Variants in RND2 observed in about 807,000 individuals in gnomAD.
The protein encoded by RND2 is Rho family GTPase 2.
In RND2, 16 loss-of-function variants were observed where a neutral mutation model predicts 25.9. The observed-to-expected ratio is 0.62, with a 90% CI of 0.42 to 0.94. The LOEUF (loss-of-function observed/expected upper bound fraction) is 0.94, where lower values mean the gene tolerates loss of function less well. Ranked by LOEUF, RND2 falls within the 40% of genes least tolerant of loss-of-function variation. RND2 has a pLI of 0.00. For missense variants in RND2, 276 were observed against 305.5 expected, an observed-to-expected ratio of 0.90 and a Z score of 0.72; for synonymous variants, 97 against 118.1, an observed-to-expected ratio of 0.82 and a Z score of 1.16.
In RND2 at chr17:43,029,633, C is replaced by A. The variant is rs1597789810; in HGVS notation, c.*953C>A. ...GCATCAGGCCGGGCGCGCTGGCTCA[C>A]GCCTGTAATCCCAGCACTTTGGGAG... is the stretch of plus-strand genomic sequence containing the variant. On this transcript the variant is annotated 3_prime_UTR_variant, in exon 5 of 5. Transcript: ENST00000587250. 1 of 152,496 alleles carries A rather than the reference C, an allele frequency of 6.6e-6. No individual in the cohort carries two copies. The highest frequency in any genetic ancestry group is 1.9e-4 in the East Asian group (1 of 5,200). 9.4% of individuals were successfully genotyped at this position (152,496 alleles called of 1,614,324 possible).
Position 43,025,344 on chromosome 17 carries a change from G to C in RND2, c.-4G>C. 1 of 1,540,330 alleles carries C rather than the reference G, an allele frequency of 6.5e-7. No homozygotes were observed. Among genetic ancestry groups the C allele is most frequent in the East Asian group, 2.5e-5 (1 of 40,064 alleles). On this transcript the variant is annotated 5_prime_UTR_variant, in exon 1 of 5. Coordinates refer to ENST00000587250, the MANE Select transcript of RND2 (RefSeq NM_005440.5). ...GCGTGGGGGACCGGCGCGTAGCCGG[G>C]ACCATGGAGGGGCAGAGCGGCCGCT... is the stretch of plus-strand genomic sequence containing the variant.
rs1037291746 is a variant in RND2 at position 43,031,739 on chromosome 17, A to G, written c.*3059A>G. Reference sequence around the variant, plus strand: ...CCCCCCAAAGTTTAATACATTTTCAATACCACCAGGAATGGATTTTTGGTC... The same window carrying G: ...CCCCCCAAAGTTTAATACATTTTCAGTACCACCAGGAATGGATTTTTGGTC... On this transcript the variant is annotated 3_prime_UTR_variant, in exon 5 of 5. Transcript: ENST00000587250. 2.6e-5 allele frequency: 4 copies of G among 152,200 alleles called. No individual in the cohort carries two copies. Among genetic ancestry groups the G allele is most frequent in the African/African-American group, 4.8e-5 (2 of 41,440 alleles). The allele number at this position is 152,200 out of a possible 1,614,324, so 9.4% of individuals were successfully genotyped here.
At position 43,026,063 on chromosome 17, in the gene RND2, G is replaced by C. The variant is rs2050620966; in HGVS notation, c.190+16G>C. 2 of 1,592,172 alleles carry C rather than the reference G, an allele frequency of 1.3e-6. No homozygotes were observed. Among genetic ancestry groups the C allele is most frequent in the African/African-American group, 2.7e-5 (2 of 74,538 alleles). On this transcript the variant is annotated intron_variant, in intron 2 of 4. Coordinates refer to ENST00000587250, the MANE Select transcript of RND2 (RefSeq NM_005440.5). ...GACACTTCAGGTAGCCAAGTCCCTG[G>C]GGGTCACCCTGACTTCCAAGGCGGC...
Position 43,031,631 on chromosome 17 carries a change from T to TG in RND2, c.*2952dup, listed in dbSNP as rs1293372381. ...CCTCTTTCCTCCAACCTCCATATCC[T>TG]GCCATGTGAGCTCAGGGAATGCAAA... is the stretch of plus-strand genomic sequence containing the variant. On this transcript the variant is annotated 3_prime_UTR_variant, in exon 5 of 5. Transcript: ENST00000587250. The TG allele has an allele frequency of 1.3e-5, 2 of 152,246 alleles. No individual in the cohort carries two copies. Among genetic ancestry groups the TG allele is most frequent in the Non-Finnish European group, 2.9e-5 (2 of 68,064 alleles). 9.4% of individuals were successfully genotyped at this position (152,246 alleles called of 1,614,324 possible). A position where few individuals can be genotyped will look rare whatever the true frequency, so the allele number is the denominator to read the frequency against.
Position 43,028,636 on chromosome 17 carries a change from G to T in RND2, c.640G>T (p.Gly214Cys). The change falls in exon 5 of 5, where the codon GGC (glycine) becomes TGC (cysteine). Residue 214 changes from glycine to cysteine, a missense_variant. Physicochemically the swap from Gly to Cys is radical, Grantham distance 159. Transcript: ENST00000587250. ...AGGACGGCCAGACCGGGGGAATGAG[G>T]GCGAGATACACAAGGATCGAGCCAA... ...LSGRPDRGNE[G>C]EIHKDRAKSC... The T allele has an allele frequency of 6.2e-7, 1 of 1,606,552 alleles. No homozygotes were observed.
rs756273422 is a variant in RND2, at chr17:43,028,164, A to G, written c.404A>G (p.Lys135Arg). 5 of 1,614,194 alleles carry G rather than the reference A, an allele frequency of 3.1e-6. No homozygotes were observed. Among genetic ancestry groups the G allele is most frequent in the Non-Finnish European group, 3.4e-6 (4 of 1,180,030 alleles). ...TDLATLRELSKQRLIPVTHEQ... is the reference protein window; with the variant it reads ...TDLATLRELSRQRLIPVTHEQ... ...CTGGCCACACTGAGGGAGCTGTCCA[A>G]GCAGAGGCTTATCCCTGTTACACAT... Residue 135 changes from lysine (K) to arginine (R), a missense_variant, in exon 4 of 5, where the codon AAG becomes AGG. Coordinates refer to ENST00000587250, the MANE Select transcript of RND2 (RefSeq NM_005440.5).
Position 43,028,739 on chromosome 17 carries a change from C to A in RND2, c.*59C>A. On this transcript the variant is annotated 3_prime_UTR_variant, in exon 5 of 5. Transcript: ENST00000587250. ...GGTGAGGGACACAATTGTTCCCCTGCCTGCGCCCAGGCTTCCTGACCTCCT... is the reference window on the plus strand; with the variant it reads ...GGTGAGGGACACAATTGTTCCCCTGACTGCGCCCAGGCTTCCTGACCTCCT... 1 of 1,498,448 alleles carries A rather than the reference C, an allele frequency of 6.7e-7. No individual in the cohort carries two copies. The highest frequency in any genetic ancestry group is 1.3e-5 in the South Asian group (1 of 78,838). The allele number at this position is 1,498,448 out of a possible 1,614,324, so 92.8% of individuals were successfully genotyped here. A position where few individuals can be genotyped will look rare whatever the true frequency, so the allele number is the denominator to read the frequency against.
rs2151975308 is a variant in RND2 at position 43,029,818 on chromosome 17, CG to C, written c.*1141del. 1 of 147,890 alleles carries C rather than the reference CG, an allele frequency of 6.8e-6. No individual in the cohort carries two copies. Among genetic ancestry groups the C allele is most frequent in the South Asian group, 2.1e-4 (1 of 4,680 alleles). 9.2% of individuals were successfully genotyped at this position (147,890 alleles called of 1,614,324 possible). On this transcript the variant is annotated 3_prime_UTR_variant, in exon 5 of 5. Coordinates refer to ENST00000587250, the MANE Select transcript of RND2 (RefSeq NM_005440.5). Reference sequence around the variant, plus strand: ...CTGAGGCAGGAGAATGGTGTGAACCCGGGTGAACCTGGGAGGCGGAGCTTGC... The same window carrying C: ...CTGAGGCAGGAGAATGGTGTGAACCCGGTGAACCTGGGAGGCGGAGCTTGC...
chr17:43,025,985 A>C lies in RND2; in HGVS notation c.128A>C (p.Asn43Thr). 1 of 1,611,232 alleles carries C rather than the reference A, an allele frequency of 6.2e-7. No homozygotes were observed. The highest frequency in any genetic ancestry group is 8.5e-7 in the Non-Finnish European group (1 of 1,178,502). Reference sequence around the variant, plus strand: ...AGTTATGTCCCCACCGTGTTTGAGAACTACACTGCGAGCTTTGAGATCGAC... The same window carrying C: ...AGTTATGTCCCCACCGTGTTTGAGACCTACACTGCGAGCTTTGAGATCGAC... ...PGSYVPTVFE[N>T]YTASFEIDKR... The change falls in exon 2 of 5, where the codon AAC becomes ACC. Residue 43 changes from asparagine (N) to threonine (T), a missense_variant. By Grantham distance (65) the Asn-to-Thr change is moderately conservative (BLOSUM62 0). Transcript: ENST00000587250.
intron 2 of RND2, 127 bp from the exon 3 acceptor site, chr17:43,027,056 A>T: frequency 1.8e-6 from 1 of 553,994 alleles, no homozygotes; most frequent in Non-Finnish European, 3.2e-6. Flanking sequence ...GGTATTAATG[A>T]TGGGTATTAA....
rs2050649023 is a variant in RND2, at chr17:43,028,981, A to G, written c.*301A>G. On this transcript the variant is annotated 3_prime_UTR_variant, in exon 5 of 5. Coordinates refer to ENST00000587250, the MANE Select transcript of RND2 (RefSeq NM_005440.5). ...AATGGTGACCTTGGTGGAGTCTCCT[A>G]TGTGAAGAGTACCCTCCCTCTCCAC... is the stretch of plus-strand genomic sequence containing the variant. The G allele has an allele frequency of 2.4e-6, 1 of 409,652 alleles. No individual in the cohort carries two copies. Among genetic ancestry groups the G allele is most frequent in the Non-Finnish European group, 4.6e-6 (1 of 218,956 alleles). 25.4% of individuals were successfully genotyped at this position (409,652 alleles called of 1,614,324 possible).
In RND2 at chr17:43,030,793, G is replaced by A. The variant is rs1223382984; in HGVS notation, c.*2113G>A. The A allele has an allele frequency of 1.3e-5, 2 of 152,256 alleles. No individual in the cohort carries two copies. Among genetic ancestry groups the A allele is most frequent in the Non-Finnish European group, 2.9e-5 (2 of 68,076 alleles). The allele number at this position is 152,256 out of a possible 1,614,324, so 9.4% of individuals were successfully genotyped here. A position where few individuals can be genotyped will look rare whatever the true frequency, so the allele number is the denominator to read the frequency against. Reference sequence around the variant, plus strand: ...CTGAGGCTACTGCAGGGTCCACAGAGGAATCAGAATTTCATTCTGAGGATG... The same window carrying A: ...CTGAGGCTACTGCAGGGTCCACAGAAGAATCAGAATTTCATTCTGAGGATG... On this transcript the variant is annotated 3_prime_UTR_variant, in exon 5 of 5. Transcript: ENST00000587250.
Position 43,025,251 on chromosome 17 carries a change from T to A in RND2, c.-97T>A. 1 of 1,003,350 alleles carries A rather than the reference T, an allele frequency of 1.0e-6. No homozygotes were observed. The highest frequency in any genetic ancestry group is 1.3e-6 in the Non-Finnish European group (1 of 776,484). The allele number at this position is 1,003,350 out of a possible 1,614,324, so 62.2% of individuals were successfully genotyped here. On this transcript the variant is annotated 5_prime_UTR_variant, in exon 1 of 5. Transcript: ENST00000587250. ...TCGGCGCGGGCCCGCGAGATGCCGGTGTTGGCGGCCCGAGCGGCTGCAGTT... is the reference window on the plus strand; with the variant it reads ...TCGGCGCGGGCCCGCGAGATGCCGGAGTTGGCGGCCCGAGCGGCTGCAGTT...
chr17:43,028,546 C>T lies in RND2; in HGVS notation c.550C>T (p.Arg184Cys), dbSNP rs757250045. The T allele has an allele frequency of 5.0e-6, 8 of 1,614,198 alleles. No individual in the cohort carries two copies. The highest frequency in any genetic ancestry group is 4.4e-5 in the South Asian group (4 of 91,090). Reference sequence around the variant, plus strand: ...TGTGGCTACAGTGGCCTCCCTTGGCCGTGGCCATAGGCAGCTGCGCCGAAC... The same window carrying T: ...TGTGGCTACAGTGGCCTCCCTTGGCTGTGGCCATAGGCAGCTGCGCCGAAC... ...FHVATVASLG[R>C]GHRQLRRTDS... is the part of the protein sequence containing the mutation. Residue 184 changes from arginine to cysteine, a missense_variant, in exon 5 of 5, where the codon CGT becomes TGT. Coordinates refer to ENST00000587250, the MANE Select transcript of RND2 (RefSeq NM_005440.5).
chr17:43,025,327 GA>G lies in RND2; in HGVS notation c.-20del. 6.6e-7 allele frequency: 1 copy of G among 1,524,200 alleles called. No individual in the cohort carries two copies. Among genetic ancestry groups the G allele is most frequent in the African/African-American group, 1.4e-5 (1 of 71,276 alleles). The allele number at this position is 1,524,200 out of a possible 1,614,324, so 94.4% of individuals were successfully genotyped here. ...GGCCCGGGAGAGGGGTGGCGTGGGG[GA>G]CCGGCGCGTAGCCGGGACCATGGAG... On this transcript the variant is annotated 5_prime_UTR_variant, in exon 1 of 5. The change abolishes the stop of an existing upstream ORF in the 5' untranslated region. Coordinates refer to ENST00000587250, the MANE Select transcript of RND2 (RefSeq NM_005440.5).
intron 1 of RND2, 79 bp from the exon 2 acceptor site, chr17:43,025,881 G>T: frequency 9.3e-7 from 1 of 1,078,784 alleles, no homozygotes; most frequent in South Asian, 1.3e-5. Flanking sequence ...GGCTGGACGG[G>T]GTGTGGGAGT....
chr17:43,027,351 G>T, intron 3 of RND2, 59 bp downstream of exon 3: 1 of 1,162,494 alleles, frequency 8.6e-7, no homozygotes, highest in Admixed American at 2.0e-5. Flanking sequence ...CCATGGTCCT[G>T]ACATAACATG....
At position 43,025,963 on chromosome 17, in the gene RND2, T is replaced by C; in HGVS notation, c.106T>C (p.Tyr36His). The C allele has an allele frequency of 6.2e-7, 1 of 1,611,554 alleles. No homozygotes were observed. The highest frequency in any genetic ancestry group is 2.2e-5 in the East Asian group (1 of 44,772). Residue 36 changes from tyrosine to histidine, a missense_variant, in exon 2 of 5, where the codon TAT becomes CAT. Transcript: ENST00000587250. Reference sequence around the variant, plus strand: ...CTGGATCCATCCGTGTCTGCAGAGTTATGTCCCCACCGTGTTTGAGAACTA... The same window carrying C: ...CTGGATCCATCCGTGTCTGCAGAGTCATGTCCCCACCGTGTTTGAGAACTA... ...VFAKDAYPGS[Y>H]VPTVFENYTA...
In RND2 at chr17:43,031,731, C is replaced by T. The variant is rs189834207; in HGVS notation, c.*3051C>T. On this transcript the variant is annotated 3_prime_UTR_variant, in exon 5 of 5. Transcript: ENST00000587250. ...CTGGAGGACCCCCCAAAGTTTAATA[C>T]ATTTTCAATACCACCAGGAATGGAT... The T allele has an allele frequency of 1.3e-5, 2 of 152,314 alleles. No homozygotes were observed. The highest frequency in any genetic ancestry group is 1.3e-4 in the Admixed American group (2 of 15,296). The allele number at this position is 152,314 out of a possible 1,614,324, so 9.4% of individuals were successfully genotyped here.
Sources: allele counts gnomAD v4.1 joint callset, GRCh38; gene constraint gnomAD v4.1.1; transcripts MANE v1.5; gene names NCBI Gene and HGNC (gene_info 2026-07-23, HGNC 2026-07-21).